XPNPEP3: variants seen among roughly 807,000 people sequenced by gnomAD.
The protein encoded by XPNPEP3 is X-prolyl aminopeptidase 3.
XPNPEP3 carries 41 observed loss-of-function variants against 60.0 expected under a neutral mutation model. That is an observed-to-expected ratio of 0.68 (90% CI 0.53 to 0.89). The LOEUF (loss-of-function observed/expected upper bound fraction) is 0.89, where lower values mean the gene tolerates loss of function less well. Among genes scored for constraint, XPNPEP3 ranks in the 40% least tolerant of loss-of-function variants. The pLI, the probability that XPNPEP3 is intolerant of heterozygous loss-of-function variation, is 0.00. For missense variants in XPNPEP3, 598 were observed against 638.9 expected (o/e 0.94, Z 0.69); for synonymous variants, 212 against 223.2 (o/e 0.95, Z 0.45).
intron 1 of XPNPEP3, among the ~76,000 whole-genome samples, chr22:40,867,739 G>A (rs1263631354): frequency 6.6e-6 from 1 of 151,310 alleles, no homozygotes; most frequent in African/African-American, 2.4e-5. Context: ...TATTGAAGGA[G>A]AGAAGGAAGG....
At chr22:40,914,056 C>T (rs553042457) in intron 6 of XPNPEP3, among the ~76,000 whole-genome samples, 183 bp from the exon 7 acceptor site, 298 of 151,468 alleles carry the variant, frequency 2.0e-3, no homozygotes, top group African/African-American at 6.9e-3. Context: ...GCAGGAGAAT[C>T]GCTTGAACGC....
intron 1 of XPNPEP3, chr22:40,860,735 C>T (rs1232427932): frequency 4.8e-6 from 4 of 829,430 alleles, no homozygotes; most frequent in African/African-American, 3.5e-5. Context: ...ACACTGCAAC[C>T]TATGTCTTCC....
rs1262815729 is a variant in XPNPEP3, at chr22:40,866,786, CATCTT to C, written c.65-2211_65-2207del. Among the ~76,000 whole-genome samples, 12 of 152,250 alleles carry C rather than the reference CATCTT, an allele frequency of 7.9e-5. No homozygotes were observed. In the South Asian group the frequency reaches 1.9e-3, roughly 24 times the overall value. On this transcript the variant is annotated intron_variant, in intron 1 of 9. Coordinates refer to ENST00000357137, the MANE Select transcript of XPNPEP3 (RefSeq NM_022098.4). ...TTTTTAAAAATTTACTGGGAATAAACATCTTAATTTATGTCTCCTGTTAAAGTGTT... is the reference window on the plus strand; with the variant it reads ...TTTTTAAAAATTTACTGGGAATAAACAATTTATGTCTCCTGTTAAAGTGTT...
intron 4 of XPNPEP3, chr22:40,888,425 G>A: frequency 2.3e-6 from 1 of 440,526 alleles, no homozygotes; most frequent in Non-Finnish European, 4.6e-6. Flanking sequence ...TAAATTTTTT[G>A]TAGAGACAGG....
chr22:40,865,006 C>A (rs1191034449), intron 1 of XPNPEP3, among the ~76,000 whole-genome samples: 1 of 152,174 alleles, frequency 6.6e-6, no homozygotes, highest in Non-Finnish European at 1.5e-5. Context: ...TTTGAAAAAA[C>A]TAATTTCAGT....
chr22:40,862,187 A>AAATGAT, intron 1 of XPNPEP3: 1 of 1,392,630 alleles, frequency 7.2e-7, no homozygotes. Context: ...CAAATATGTC[A>AAATGAT]GAGAGGGCTG....
At chr22:40,925,674 G>C (rs2058232219) in intron 9 of XPNPEP3, among the ~76,000 whole-genome samples, 2 of 152,008 alleles carry the variant, frequency 1.3e-5, no homozygotes, top group South Asian at 4.2e-4. Context: ...GGGTACCTGG[G>C]GTTCCTACAT....
rs1305062445 is a variant in XPNPEP3, at chr22:40,922,340, G to A, written c.1063G>A (p.Ala355Thr). ...TGGTTTTCCCGTCCCCAGGTTCACC[G>A]CACCTCAGGCAGAACTCTATGAAGC... ...RTWPVNGRFTAPQAELYEAVL... is the reference protein window; with the variant it reads ...RTWPVNGRFTTPQAELYEAVL... The change falls in exon 8 of 10, where the codon GCA becomes ACA. Residue 355 changes from alanine (A) to threonine (T), a missense_variant. Coordinates refer to ENST00000357137, the MANE Select transcript of XPNPEP3 (RefSeq NM_022098.4). The A allele has an allele frequency of 9.9e-6, 16 of 1,613,596 alleles. No homozygotes were observed. The highest frequency in any genetic ancestry group is 2.7e-5 in the African/African-American group (2 of 74,830).
chr22:40,879,621 C>A (rs2058039773), intron 2 of XPNPEP3, among the ~76,000 whole-genome samples: 1 of 151,900 alleles, frequency 6.6e-6, no homozygotes, highest in Admixed American at 6.6e-5. Context: ...GCGGGCAGAT[C>A]ATTTGAGGTC....
In XPNPEP3 at chr22:40,868,428, C is replaced by CGTGT. The variant is rs35513572; in HGVS notation, c.65-548_65-545dup. ...TTCATACCTTTATTATATATGTGTG[C>CGTGT]GTGTGTGTGTGTGTGTGTGTGTGTG... On this transcript the variant is annotated intron_variant, in intron 1 of 9. Transcript: ENST00000357137. 5.0e-3 allele frequency among the ~76,000 whole-genome samples: 731 copies of CGTGT among 144,754 alleles called. 3 individuals are homozygous for CGTGT. Among genetic ancestry groups the CGTGT allele is most frequent in the African/African-American group, 0.014 (566 of 39,588 alleles). 95.0% of individuals were successfully genotyped at this position (144,754 alleles called of 152,430 possible).
intron 8 of XPNPEP3, 124 bp from the exon 9 acceptor site, chr22:40,924,238 G>A (rs146449242): frequency 7.3e-7 from 1 of 1,368,856 alleles, no homozygotes; most frequent in East Asian, 2.3e-5. Context: ...CCCAAGGAGG[G>A]ATTAAACTGA....
Position 40,928,130 on chromosome 22 carries a change from C to T in XPNPEP3, c.*1695C>T, listed in dbSNP as rs539487685. 4.6e-5 allele frequency: 7 copies of T among 151,456 alleles called. No individual in the cohort carries two copies. The South Asian group carries it at 6.3e-4, about 14-fold the overall frequency. The allele number at this position is 151,456 out of a possible 1,614,324, so 9.4% of individuals were successfully genotyped here. Reference sequence around the variant, plus strand: ...CAAAATATGGAATCTACCAAGTACCCGTAAATATCCTATGATTCTTATCTT... The same window carrying T: ...CAAAATATGGAATCTACCAAGTACCTGTAAATATCCTATGATTCTTATCTT... On this transcript the variant is annotated 3_prime_UTR_variant, in exon 10 of 10. Coordinates refer to ENST00000357137, the MANE Select transcript of XPNPEP3 (RefSeq NM_022098.4).
chr22:40,924,322 G>C, intron 8 of XPNPEP3, 40 bp from the exon 9 acceptor site: 1 of 1,613,516 alleles, frequency 6.2e-7, no homozygotes, highest in Non-Finnish European at 8.5e-7. Context: ...CCTGTAAGAG[G>C]TCATTGCTCT....
At chr22:40,865,914 T>C (rs1251785387) in intron 1 of XPNPEP3, among the ~76,000 whole-genome samples, 1 of 152,190 alleles carries the variant, frequency 6.6e-6, no homozygotes, top group Non-Finnish European at 1.5e-5. Context: ...CCAGGCTTTG[T>C]TCAGTCTCCC....
intron 3 of XPNPEP3, among the ~76,000 whole-genome samples, chr22:40,883,836 T>A (rs1427261870): frequency 6.6e-6 from 1 of 152,192 alleles, no homozygotes; most frequent in East Asian, 1.9e-4. Flanking sequence ...AAGTATTTTA[T>A]TTTTTGAAGT....
chr22:40,867,520 AATC>A (rs2057984479), intron 1 of XPNPEP3, among the ~76,000 whole-genome samples: 1 of 152,098 alleles, frequency 6.6e-6, no homozygotes, highest in Non-Finnish European at 1.5e-5. Flanking sequence ...AAAAAAGAAA[AATC>A]ATAGCTTCTA....
At chr22:40,864,382 C>T (rs879275048) in intron 1 of XPNPEP3, among the ~76,000 whole-genome samples, 4 of 152,122 alleles carry the variant, frequency 2.6e-5, no homozygotes, top group Non-Finnish European at 5.9e-5. Flanking sequence ...AGGTGACAGT[C>T]TAGGAGAAGA....
intron 4 of XPNPEP3, among the ~76,000 whole-genome samples, chr22:40,902,765 A>G (rs1433180492): frequency 6.6e-6 from 1 of 152,236 alleles, no homozygotes; most frequent in Non-Finnish European, 1.5e-5. Context: ...ATACACAGTC[A>G]TTACAGGAAA....
At chr22:40,857,972 A>G (rs778019858) in intron 1 of XPNPEP3, among the ~76,000 whole-genome samples, 7 of 152,242 alleles carry the variant, frequency 4.6e-5, no homozygotes, top group Admixed American at 3.3e-4. Flanking sequence ...TTAAAATGGA[A>G]TGTTAATTAC....
Sources: gnomAD v4.1 joint callset for allele counts (sites outside exome capture counted in the v4.1 genomes callset) on GRCh38, gnomAD v4.1.1 for gene constraint, MANE v1.5 for transcripts, NCBI Gene and HGNC (gene_info 2026-07-23, HGNC 2026-07-21) for gene names.